The following NELL1 variants were observed in gnomAD, a reference collection of about 807,000 sequenced individuals.
NELL1 encodes protein kinase C-binding protein NELL1.
A neutral mutation model predicts 107.4 loss-of-function variants in NELL1; 76 were observed. That is an observed-to-expected ratio of 0.71 (90% CI 0.59 to 0.86). The LOEUF (loss-of-function observed/expected upper bound fraction) is 0.86, where lower values mean the gene tolerates loss of function less well. Among genes scored for constraint, NELL1 ranks in the 40% least tolerant of loss-of-function variants. The pLI, the probability that NELL1 is intolerant of heterozygous loss-of-function variation, is 0.00. For missense variants in NELL1, 1,024 were observed against 1,005.5 expected (o/e 1.02, Z -0.25); for synonymous variants, 353 against 341.2 (o/e 1.03, Z -0.38).
chr11:21,049,995 T>C (rs1853453158), intron 12 of NELL1, among the ~76,000 whole-genome samples: 1 of 152,170 alleles, frequency 6.6e-6, no homozygotes, highest in Non-Finnish European at 1.5e-5. Context: ...GAAACATATA[T>C]ATGTTAATTA....
chr11:21,284,532 G>A (rs906030432), intron 14 of NELL1: 2 of 459,214 alleles, frequency 4.4e-6, no homozygotes, highest in African/African-American at 4.0e-5. Flanking sequence ...GCTCACCTTA[G>A]AAGACATGAT....
chr11:21,398,211 A>G (rs1852022927), intron 15 of NELL1, among the ~76,000 whole-genome samples: 1 of 151,714 alleles, frequency 6.6e-6, no homozygotes, highest in South Asian at 2.1e-4. Context: ...GGTGTCCTCC[A>G]CTGGCATGCC....
chr11:21,020,179 C>T (rs1215274707), intron 12 of NELL1, among the ~76,000 whole-genome samples: 1 of 152,072 alleles, frequency 6.6e-6, no homozygotes, highest in Non-Finnish European at 1.5e-5. Context: ...TGGTACTTGG[C>T]ACTTAGTAAG....
intron 15 of NELL1, among the ~76,000 whole-genome samples, chr11:21,502,301 G>T (rs1308579701): frequency 1.3e-5 from 2 of 152,182 alleles, no homozygotes; most frequent in African/African-American, 4.8e-5. Flanking sequence ...CTAAGGATTT[G>T]TTGCCACATG....
chr11:20,980,179 AG>A (rs1851721211), intron 12 of NELL1, among the ~76,000 whole-genome samples: 1 of 152,194 alleles, frequency 6.6e-6, no homozygotes, highest in South Asian at 2.1e-4. Context: ...ATACTGTGCT[AG>A]GTACTAAGAC....
At chr11:21,535,332 G>A (rs1414813984) in intron 16 of NELL1, among the ~76,000 whole-genome samples, 1 of 152,096 alleles carries the variant, frequency 6.6e-6, no homozygotes, top group Non-Finnish European at 1.5e-5. Flanking sequence ...CCAACCTAGG[G>A]GCCAAGCATT....
chr11:21,197,012 C>T (rs1332266324), intron 13 of NELL1, among the ~76,000 whole-genome samples: 7 of 151,630 alleles, frequency 4.6e-5, no homozygotes, highest in African/African-American at 1.7e-4. Flanking sequence ...GCTGGGACTA[C>T]AGGCACCTGC....
chr11:21,257,173 A>C (rs1220493399), intron 14 of NELL1, among the ~76,000 whole-genome samples: 1 of 151,900 alleles, frequency 6.6e-6, no homozygotes, highest in East Asian at 1.9e-4. Flanking sequence ...CAACTGTAAG[A>C]ATATATTAGA....
intron 4 of NELL1, among the ~76,000 whole-genome samples, chr11:20,849,961 T>C (rs964631425): frequency 6.6e-6 from 1 of 152,150 alleles, no homozygotes; most frequent in African/African-American, 2.4e-5. Flanking sequence ...ATAGGTTCCA[T>C]GCGGGCAGTC....
At chr11:20,869,262 A>G (rs1230106531) in intron 4 of NELL1, among the ~76,000 whole-genome samples, 1 of 152,152 alleles carries the variant, frequency 6.6e-6, no homozygotes, top group Non-Finnish European at 1.5e-5. Flanking sequence ...ATTGTTTATG[A>G]TATCTATATA....
At chr11:21,187,528 T>C (rs1856959867) in intron 13 of NELL1, among the ~76,000 whole-genome samples, 1 of 151,848 alleles carries the variant, frequency 6.6e-6, no homozygotes, top group Non-Finnish European at 1.5e-5. Context: ...TATTAAGCAA[T>C]TAATACCTCC....
At chr11:21,505,260 A>T (rs190106865) in intron 15 of NELL1, among the ~76,000 whole-genome samples, 1 of 152,190 alleles carries the variant, frequency 6.6e-6, no homozygotes, top group Non-Finnish European at 1.5e-5. Flanking sequence ...CCTACCTATA[A>T]GAGTTAACCT....
rs768481134 is a variant in NELL1 at position 21,534,522 on chromosome 11, G to A, written c.1786+8G>A. The stretch of plus-strand genomic sequence containing the variant: ...CCGGGGAGTCCTGTATTGGTAAGCA[G>A]CTTTCAGGCATGCCCTCCAACTGCT... On this transcript the variant is annotated splice_region_variant and intron_variant, in intron 16 of 19. Transcript: ENST00000357134. 1.2e-6 allele frequency: 2 copies of A among 1,613,616 alleles called. No homozygotes were observed. Among genetic ancestry groups the A allele is most frequent in the South Asian group, 1.1e-5 (1 of 91,068 alleles).
chr11:21,007,361 A>G (rs1852350625), intron 12 of NELL1, among the ~76,000 whole-genome samples: 1 of 150,376 alleles, frequency 6.6e-6, no homozygotes, highest in Admixed American at 6.7e-5. Context: ...TTCACAACCA[A>G]TGTGTATGTG....
chr11:20,837,600 A>G (rs1005000736), intron 3 of NELL1, among the ~76,000 whole-genome samples: 5 of 152,222 alleles, frequency 3.3e-5, no homozygotes, highest in South Asian at 4.2e-4. Context: ...CAGGAAATAT[A>G]TAAGATGAGC....
At chr11:21,317,846 A>C (rs926429149) in intron 14 of NELL1, among the ~76,000 whole-genome samples, 3 of 152,178 alleles carry the variant, frequency 2.0e-5, no homozygotes, top group African/African-American at 7.2e-5. Flanking sequence ...TAAATCCAAA[A>C]GATTAGATCA....
chr11:21,261,829 C>G (rs1225439907), intron 14 of NELL1, among the ~76,000 whole-genome samples: 1 of 151,834 alleles, frequency 6.6e-6, no homozygotes, highest in Non-Finnish European at 1.5e-5. Context: ...GGAAACAGTT[C>G]CCTATTTCCT....
chr11:20,829,223 ATTTTTTTTTT>A (rs758970966), intron 3 of NELL1, among the ~76,000 whole-genome samples: 2 of 118,900 alleles, frequency 1.7e-5, no homozygotes, highest in African/African-American at 6.6e-5. Context: ...CTGCAGGACT[ATTTTTTTTTT>A]TTTTTTTTTT....
chr11:21,560,902 CTT>C (rs869151354), intron 17 of NELL1, among the ~76,000 whole-genome samples: 3 of 16,276 alleles, frequency 1.8e-4, no homozygotes, highest in African/African-American at 2.0e-4. Flanking sequence ...TTGATGTCTT[CTT>C]TGTTATTCTC....
Sources: gnomAD v4.1 joint callset for allele counts (sites outside exome capture counted in the v4.1 genomes callset) on GRCh38, gnomAD v4.1.1 for gene constraint, MANE v1.5 for transcripts, NCBI Gene and HGNC (gene_info 2026-07-23, HGNC 2026-07-21) for gene names.